INPP4B: variants seen among roughly 807,000 people sequenced by gnomAD.
INPP4B encodes inositol polyphosphate 4-phosphatase type II.
A neutral mutation model predicts 122.5 loss-of-function variants in INPP4B; 55 were observed. The observed-to-expected ratio is 0.45, with a 90% CI of 0.36 to 0.56. The LOEUF is 0.56. Among genes scored for constraint, INPP4B ranks in the 20% least tolerant of loss-of-function variants. The probability of loss-of-function intolerance (pLI) is 0.00; values close to 1 mark genes in which losing one functional copy is unlikely to be tolerated. For missense variants in INPP4B, 1,000 were observed against 1,097.7 expected (o/e 0.91, Z 1.26); for synonymous variants, 403 against 388.7 (o/e 1.04, Z -0.43).
intron 22 of INPP4B, among the ~76,000 whole-genome samples, chr4:142,110,083 G>C (rs903064632): frequency 1.3e-5 from 2 of 152,142 alleles, no homozygotes; most frequent in Non-Finnish European, 2.9e-5. Context: ...TGGAATAAAT[G>C]TTTGTGTTGT....
chr4:142,483,686 T>C (rs1463984199), intron 2 of INPP4B, among the ~76,000 whole-genome samples: 1 of 152,112 alleles, frequency 6.6e-6, no homozygotes, highest in Non-Finnish European at 1.5e-5. Flanking sequence ...GCAACCAGAA[T>C]AGATTTATTG....
chr4:142,172,398 T>G (rs990305711), intron 16 of INPP4B, among the ~76,000 whole-genome samples: 3 of 151,918 alleles, frequency 2.0e-5, no homozygotes, highest in Non-Finnish European at 4.4e-5. Flanking sequence ...TAAAATGACA[T>G]AAAGTGTGAA....
chr4:142,577,238 A>G (rs933062527), intron 2 of INPP4B, among the ~76,000 whole-genome samples: 1 of 152,064 alleles, frequency 6.6e-6, no homozygotes, highest in African/African-American at 2.4e-5. Context: ...TCAAGAAAAC[A>G]GTAAGTCAAG....
chr4:142,828,056 G>C (rs954584280), intron 1 of INPP4B, among the ~76,000 whole-genome samples: 6 of 152,028 alleles, frequency 3.9e-5, no homozygotes, highest in Admixed American at 2.6e-4. Flanking sequence ...ATAAATGGGA[G>C]AACTGATGAT....
chr4:142,640,799 T>C (rs1404218809), intron 2 of INPP4B, among the ~76,000 whole-genome samples: 1 of 151,628 alleles, frequency 6.6e-6, no homozygotes, highest in Non-Finnish European at 1.5e-5. Context: ...GATAGCCAAA[T>C]TGTCAATAAT....
intron 18 of INPP4B, among the ~76,000 whole-genome samples, chr4:142,132,088 C>T (rs539224430): frequency 1.5e-4 from 23 of 151,942 alleles, no homozygotes; most frequent in African/African-American, 3.6e-4. Context: ...AGTAATTTTT[C>T]GATGTAATTA....
chr4:142,488,314 A>G (rs1039882175), intron 2 of INPP4B, among the ~76,000 whole-genome samples: 1 of 151,996 alleles, frequency 6.6e-6, no homozygotes, highest in Non-Finnish European at 1.5e-5. Flanking sequence ...TTTTGTTAAG[A>G]GCTTTTTATC....
At chr4:142,440,596 T>C (rs1363436075) in intron 3 of INPP4B, among the ~76,000 whole-genome samples, 2 of 152,210 alleles carry the variant, frequency 1.3e-5, no homozygotes, top group African/African-American at 2.4e-5. Context: ...CTGCTCTGTT[T>C]GGTGTGGGCT....
At chr4:142,771,499 G>A (rs1385709568) in intron 1 of INPP4B, among the ~76,000 whole-genome samples, 2 of 152,096 alleles carry the variant, frequency 1.3e-5, no homozygotes, top group Admixed American at 1.3e-4. Flanking sequence ...ACTATTCCAG[G>A]TAAGAGATGA....
chr4:142,753,353 C>T (rs1770010473), intron 1 of INPP4B, among the ~76,000 whole-genome samples: 2 of 151,872 alleles, frequency 1.3e-5, no homozygotes, highest in African/African-American at 4.8e-5. Context: ...TAAATATATC[C>T]AATATTACTT....
At chr4:142,380,039 G>A (rs924625021) in intron 7 of INPP4B, among the ~76,000 whole-genome samples, 1 of 152,214 alleles carries the variant, frequency 6.6e-6, no homozygotes, top group African/African-American at 2.4e-5. Context: ...ACTTGAGGCA[G>A]AAATAAACTC....
chr4:142,545,779 A>G (rs1829540044), intron 2 of INPP4B, among the ~76,000 whole-genome samples: 1 of 138,556 alleles, frequency 7.2e-6, no homozygotes, highest in Non-Finnish European at 1.6e-5. Flanking sequence ...GTATATATAT[A>G]CACATATATA....
chr4:142,404,252 C>A (rs934285564), intron 6 of INPP4B, among the ~76,000 whole-genome samples: 9 of 152,168 alleles, frequency 5.9e-5, no homozygotes, highest in African/African-American at 2.2e-4. Context: ...CCCGTTCAGT[C>A]TGAATCATTT....
chr4:142,397,451 T>C (rs567652081), intron 7 of INPP4B, among the ~76,000 whole-genome samples: 1 of 152,340 alleles, frequency 6.6e-6, no homozygotes, highest in South Asian at 2.1e-4. Flanking sequence ...CAATTAGTTA[T>C]ATATGCTTAA....
chr4:142,384,018 C>T (rs1289863462), intron 7 of INPP4B: 3 of 696,574 alleles, frequency 4.3e-6, no homozygotes, highest in Non-Finnish European at 7.9e-6. Flanking sequence ...AACCATCCTG[C>T]AGACATTTGA....
intron 16 of INPP4B, among the ~76,000 whole-genome samples, chr4:142,172,986 G>A (rs765780772): frequency 9.9e-5 from 15 of 151,874 alleles, no homozygotes; most frequent in East Asian, 3.9e-4. Context: ...ACAGCGAGCC[G>A]CCCTCGTTAG....
chr4:142,759,777 T>G (rs574523016), intron 1 of INPP4B, among the ~76,000 whole-genome samples: 28 of 141,156 alleles, frequency 2.0e-4, no homozygotes, highest in Non-Finnish European at 3.6e-4. Context: ...ACAAAGGTAA[T>G]TTGCCTCTCA....
intron 9 of INPP4B, among the ~76,000 whole-genome samples, chr4:142,304,203 A>G (rs774309316): frequency 2.0e-5 from 3 of 152,102 alleles, no homozygotes; most frequent in Non-Finnish European, 4.4e-5. Flanking sequence ...TAGAATGATG[A>G]TATTTTCTAG....
chr4:142,543,699 A>G (rs1439899999), intron 2 of INPP4B, among the ~76,000 whole-genome samples: 3 of 152,252 alleles, frequency 2.0e-5, no homozygotes, highest in East Asian at 1.9e-4. Context: ...TGAATTCCAT[A>G]AGACTTATTG....
Sources: allele counts gnomAD v4.1 joint callset (sites outside exome capture counted in the v4.1 genomes callset), GRCh38; gene constraint gnomAD v4.1.1; transcripts MANE v1.5; gene names NCBI Gene and HGNC (gene_info 2026-07-23, HGNC 2026-07-21).